COL23A1: variants seen among roughly 807,000 people sequenced by gnomAD.
COL23A1 encodes collagen alpha-1(XXIII) chain.
Under a neutral mutation model 99.3 loss-of-function variants are expected in COL23A1, and 97 were observed. The observed-to-expected ratio is 0.98, with a 90% CI of 0.83 to 1.16. The LOEUF (loss-of-function observed/expected upper bound fraction) is 1.16. Among genes scored for constraint, COL23A1 ranks in the 50% most tolerant of loss-of-function variants. The pLI is 0.00. For synonymous variants in COL23A1, 320 were observed against 308.2 expected (o/e 1.04, Z -0.40); for missense variants, 762 against 757.4 (o/e 1.01, Z -0.07).
intron 1 of COL23A1, among the ~76,000 whole-genome samples, chr5:178,566,509 T>A (rs1376502056): frequency 6.6e-6 from 1 of 152,220 alleles, no homozygotes; most frequent in Non-Finnish European, 1.5e-5. Flanking sequence ...TGCAAAATGG[T>A]GTTTTCATTG....
chr5:178,569,017 G>T (rs1005873354), intron 1 of COL23A1, among the ~76,000 whole-genome samples: 1 of 152,144 alleles, frequency 6.6e-6, no homozygotes, highest in African/African-American at 2.4e-5. Context: ...TTTCCACAGT[G>T]GCTGAGTCAT....
Position 178,358,619 on chromosome 5 carries a change from ATGTG to A in COL23A1, c.362-51704_362-51701del, listed in dbSNP as rs756525010. Among the ~76,000 whole-genome samples, 384 of 128,702 alleles carry A rather than the reference ATGTG, an allele frequency of 3.0e-3. 2 individuals carry two copies. Among genetic ancestry groups the A allele is most frequent in the Middle Eastern group, 0.014 (2 of 148 alleles). 84.4% of individuals were successfully genotyped at this position (128,702 alleles called of 152,430 possible). A position where few individuals can be genotyped will look rare whatever the true frequency, so the allele number is the denominator to read the frequency against. On this transcript the variant is annotated intron_variant, in intron 2 of 28. Transcript: ENST00000390654. ...TGTGTATGTGTGTATGCGTGTATGT[ATGTG>A]TGTATGTGTCTAGTGTGTGTGTGTA...
At chr5:178,449,581 T>C (rs1767368838) in intron 2 of COL23A1, among the ~76,000 whole-genome samples, 1 of 148,584 alleles carries the variant, frequency 6.7e-6, no homozygotes, top group Admixed American at 6.6e-5. Context: ...ATAATGCTCA[T>C]TAAAGTCACC....
Position 178,572,479 on chromosome 5 carries a change from C to A in COL23A1, c.295-11731G>T, listed in dbSNP as rs548945767. Among the ~76,000 whole-genome samples the A allele has an allele frequency of 2.6e-5, 4 of 152,132 alleles. No homozygotes were observed. In the East Asian group the frequency reaches 7.7e-4, roughly 29 times the overall value. ...TCAAGAAAACGACACCAAGATATAT[C>A]ATAATCAGATTGCTTAAAACCAGCA... On this transcript the variant is annotated intron_variant, in intron 1 of 28. Transcript: ENST00000390654.
chr5:178,410,401 C>T (rs1764998784), intron 2 of COL23A1, among the ~76,000 whole-genome samples: 1 of 152,142 alleles, frequency 6.6e-6, no homozygotes, highest in African/African-American at 2.4e-5. Context: ...AGCAAGAGGG[C>T]TTGAATAGCC....
intron 2 of COL23A1, among the ~76,000 whole-genome samples, chr5:178,528,398 G>A (rs1760439698): frequency 6.6e-6 from 1 of 152,086 alleles, no homozygotes; most frequent in Admixed American, 6.6e-5. Flanking sequence ...CAGGTCACAG[G>A]TTTCAGTGGG....
At chr5:178,400,465 G>A (rs952379202) in intron 2 of COL23A1, among the ~76,000 whole-genome samples, 3 of 708 alleles carry the variant, frequency 4.2e-3, no homozygotes, top group Non-Finnish European at 6.1e-3. Flanking sequence ...GAACAGCTCC[G>A]TCAGCCCCAA....
chr5:178,477,327 T>G (rs751668094), intron 2 of COL23A1, among the ~76,000 whole-genome samples: 1 of 152,314 alleles, frequency 6.6e-6, no homozygotes, highest in Non-Finnish European at 1.5e-5. Flanking sequence ...CAACTCATGC[T>G]ATGGCAGAGG....
chr5:178,273,495 A>G (rs1382332831), intron 5 of COL23A1, among the ~76,000 whole-genome samples: 1 of 152,222 alleles, frequency 6.6e-6, no homozygotes, highest in Non-Finnish European at 1.5e-5. Flanking sequence ...AGTTTTTACA[A>G]GTGAATTCAG....
chr5:178,502,017 T>C (rs1255960483), intron 2 of COL23A1, among the ~76,000 whole-genome samples: 2 of 152,236 alleles, frequency 1.3e-5, no homozygotes, highest in Non-Finnish European at 2.9e-5. Context: ...TGATAGGGAA[T>C]AGGCAAAATA....
chr5:178,293,327 C>T (rs896313669), intron 3 of COL23A1, among the ~76,000 whole-genome samples: 3 of 151,972 alleles, frequency 2.0e-5, no homozygotes, highest in Non-Finnish European at 2.9e-5. Context: ...CTGGACAGTC[C>T]ATCTGTGGAG....
intron 2 of COL23A1, among the ~76,000 whole-genome samples, chr5:178,534,648 T>TAATTA (rs1760835500): frequency 6.6e-6 from 1 of 152,098 alleles, no homozygotes; most frequent in Non-Finnish European, 1.5e-5. Context: ...GCATAGTGGC[T>TAATTA]CATGCCTGTA....
chr5:178,266,067 G>C (rs557922308), intron 8 of COL23A1, among the ~76,000 whole-genome samples: 5 of 152,076 alleles, frequency 3.3e-5, no homozygotes, highest in African/African-American at 1.2e-4. Context: ...TTTGGAGACA[G>C]TCTCGCTCTG....
At chr5:178,301,099 C>G (rs1758009202) in intron 3 of COL23A1, among the ~76,000 whole-genome samples, 1 of 152,102 alleles carries the variant, frequency 6.6e-6, no homozygotes, top group Non-Finnish European at 1.5e-5. Context: ...CTTTGAGGCT[C>G]TGTTCATTTT....
Position 178,337,507 on chromosome 5 carries a change from C to T in COL23A1, c.362-30588G>A, listed in dbSNP as rs73346815. On this transcript the variant is annotated intron_variant, in intron 2 of 28. Coordinates refer to ENST00000390654, the MANE Select transcript of COL23A1 (RefSeq NM_173465.4). Reference sequence around the variant, plus strand: ...TGGGCTGACTGCCAGGCTCTCCACACATCCAGAGTGGGTGGAAAGACAGAG... The same window carrying T: ...TGGGCTGACTGCCAGGCTCTCCACATATCCAGAGTGGGTGGAAAGACAGAG... Among the ~76,000 whole-genome samples the T allele has an allele frequency of 8.6e-3, 1,310 of 152,304 alleles. 19 individuals carry two copies. The highest frequency in any genetic ancestry group is 0.03 in the African/African-American group (1,227 of 41,566).
chr5:178,385,415 G>C (rs765911867), intron 2 of COL23A1, among the ~76,000 whole-genome samples: 1 of 152,214 alleles, frequency 6.6e-6, no homozygotes, highest in Non-Finnish European at 1.5e-5. Context: ...GCCAAAAATG[G>C]AAATGTTTGT....
rs534258515 is a variant in COL23A1 at position 178,414,574 on chromosome 5, C to T, written c.362-107655G>A. 1.3e-3 allele frequency among the ~76,000 whole-genome samples: 198 copies of T among 152,204 alleles called. 1 individual carries two copies. Among genetic ancestry groups the T allele is most frequent in the African/African-American group, 4.3e-3 (179 of 41,516 alleles). On this transcript the variant is annotated intron_variant, in intron 2 of 28. Transcript: ENST00000390654. ...ATCAACTGAGGTCAGGAGTTCGAGA[C>T]CAGCCTGGCCAACAGGGTGAAACCC...
chr5:178,385,659 G>A (rs1180385781), intron 2 of COL23A1, among the ~76,000 whole-genome samples: 1 of 152,176 alleles, frequency 6.6e-6, no homozygotes, highest in African/African-American at 2.4e-5. Context: ...GTCTGAGGAC[G>A]TTAAGCGCAT....
intron 27 of COL23A1, 35 bp downstream of exon 27, chr5:178,242,007 A>T: frequency 6.6e-7 from 1 of 1,522,654 alleles, no homozygotes; most frequent in Non-Finnish European, 8.9e-7. Context: ...TGGAGGCCAA[A>T]AAGACCTGGG....
Sources: gnomAD v4.1 joint callset for allele counts (sites outside exome capture counted in the v4.1 genomes callset) on GRCh38, gnomAD v4.1.1 for gene constraint, MANE v1.5 for transcripts, NCBI Gene and HGNC (gene_info 2026-07-23, HGNC 2026-07-21) for gene names.